The following FGFR2 variants were observed in gnomAD, a reference collection of about 807,000 sequenced individuals.
The protein encoded by FGFR2 is fibroblast growth factor receptor 2, also known as BEK fibroblast growth factor receptor.
A neutral mutation model predicts 95.9 loss-of-function variants in FGFR2; 19 were observed. That is an observed-to-expected ratio of 0.20 (90% CI 0.14 to 0.29). FGFR2 has a LOEUF of 0.29. Ranked by LOEUF, FGFR2 falls within the 10% of genes least tolerant of loss-of-function variation. FGFR2 has a pLI of 1.00. For missense variants in FGFR2, 707 were observed against 1,056.9 expected (o/e 0.67, Z 4.59); for synonymous variants, 392 against 393.3 (o/e 1.00, Z 0.04).
intron 9 of FGFR2, among the ~76,000 whole-genome samples, chr10:121,514,750 A>G (rs1038654700): frequency 6.6e-6 from 1 of 152,208 alleles, no homozygotes; most frequent in Non-Finnish European, 1.5e-5. Flanking sequence ...GCTTATCTTA[A>G]AAAAGGTATT....
At chr10:121,502,077 G>A (rs1589773169) in intron 10 of FGFR2, among the ~76,000 whole-genome samples, 1 of 152,188 alleles carries the variant, frequency 6.6e-6, no homozygotes, top group Admixed American at 6.5e-5. Context: ...GGAGGTAACA[G>A]TTGGGCACAT....
intron 4 of FGFR2, among the ~76,000 whole-genome samples, chr10:121,552,239 T>C (rs1277000059): frequency 6.6e-6 from 1 of 152,176 alleles, no homozygotes; most frequent in Non-Finnish European, 1.5e-5. Context: ...AAAAAAGTTT[T>C]AAATCACAAA....
chr10:121,555,126 C>G (rs527607816), intron 4 of FGFR2, among the ~76,000 whole-genome samples: 1 of 152,104 alleles, frequency 6.6e-6, no homozygotes, highest in Non-Finnish European at 1.5e-5. Context: ...GTAATCCCAG[C>G]CTTTGGGAGG....
intron 6 of FGFR2, among the ~76,000 whole-genome samples, chr10:121,521,951 T>C (rs948151187): frequency 3.3e-5 from 5 of 152,188 alleles, no homozygotes; most frequent in Non-Finnish European, 7.3e-5. Flanking sequence ...CACAACGGAA[T>C]ACTATTCAGC....
At chr10:121,507,465 G>A (rs1008465038) in intron 9 of FGFR2, among the ~76,000 whole-genome samples, 7 of 152,176 alleles carry the variant, frequency 4.6e-5, no homozygotes, top group Non-Finnish European at 1.0e-4. Context: ...GTGAGTGCCT[G>A]TAACCCCAGC....
intron 9 of FGFR2, among the ~76,000 whole-genome samples, chr10:121,509,986 C>A (rs143169545): frequency 1.3e-5 from 2 of 152,112 alleles, no homozygotes; most frequent in African/African-American, 2.4e-5. Flanking sequence ...CACCTTCCCC[C>A]ACAAGAACAC....
At chr10:121,580,246 T>C (rs949020959) in intron 2 of FGFR2, among the ~76,000 whole-genome samples, 3 of 152,148 alleles carry the variant, frequency 2.0e-5, no homozygotes, top group African/African-American at 7.2e-5. Context: ...GGGGTACTGT[T>C]TGGCAAGTTG....
chr10:121,538,756 G>A (rs2134611650), intron 5 of FGFR2, 41 bp from the exon 6 acceptor site: 1 of 1,613,964 alleles, frequency 6.2e-7, no homozygotes, highest in Non-Finnish European at 8.5e-7. Flanking sequence ...AACAATCCTA[G>A]CACAGAATAC....
chr10:121,553,235 C>T (rs1049165667), intron 4 of FGFR2, among the ~76,000 whole-genome samples: 2 of 152,222 alleles, frequency 1.3e-5, no homozygotes, highest in African/African-American at 4.8e-5. Flanking sequence ...GCAAAACTAT[C>T]GAAGCCAGGA....
In FGFR2 at chr10:121,485,719, T is replaced by G. The variant is rs1350498951; in HGVS notation, c.2058-187A>C. Among the ~76,000 whole-genome samples the G allele has an allele frequency of 1.3e-5, 2 of 152,228 alleles. No homozygotes were observed. Among genetic ancestry groups the G allele is most frequent in the Non-Finnish European group, 2.9e-5 (2 of 68,052 alleles). On this transcript the variant is annotated intron_variant, in intron 15 of 17. Transcript: ENST00000358487. This position sits in a 1 kb window ranked among gnomAD's most constrained non-coding sequence, Gnocchi z 4.2. ...TCCCCGAATGATGATGACACGGGGA[T>G]GTGCTGATGGAATTTTCCATCAATA... is the stretch of plus-strand genomic sequence containing the variant.
intron 5 of FGFR2, among the ~76,000 whole-genome samples, chr10:121,545,098 G>A (rs541697844): frequency 1.4e-4 from 22 of 152,254 alleles, no homozygotes; most frequent in African/African-American, 4.8e-4. Flanking sequence ...AGCCATGTTC[G>A]TACCACTGCA....
intron 4 of FGFR2, among the ~76,000 whole-genome samples, chr10:121,563,818 CCCATGTTAGCG>C (rs1199767108): frequency 6.6e-6 from 1 of 152,228 alleles, no homozygotes; most frequent in Non-Finnish European, 1.5e-5. Context: ...AATGGCCTCT[CCCATGTTAGCG>C]CTCAGTGTTC....
chr10:121,571,292 GC>G (rs747972181), intron 2 of FGFR2, among the ~76,000 whole-genome samples: 5,852 of 117,976 alleles, frequency 0.05, 243 homozygotes, highest in Non-Finnish European at 0.055. Context: ...ACCGTGCCTG[GC>G]CTTTTTTTTT....
intron 13 of FGFR2, among the ~76,000 whole-genome samples, chr10:121,495,408 C>T (rs773243282): frequency 6.6e-6 from 1 of 152,122 alleles, no homozygotes; most frequent in Non-Finnish European, 1.5e-5. Flanking sequence ...CATCCTCGTA[C>T]TCCCAGCTAC....
intron 5 of FGFR2, 42 bp downstream of exon 5, chr10:121,551,248 C>CA: frequency 6.2e-7 from 1 of 1,606,894 alleles, no homozygotes; most frequent in Non-Finnish European, 8.5e-7. Flanking sequence ...AATAAATAAA[C>CA]AAAAATGTAA....
intron 17 of FGFR2, among the ~76,000 whole-genome samples, chr10:121,480,891 G>C (rs1844585363): frequency 6.6e-6 from 1 of 151,524 alleles, no homozygotes; most frequent in Non-Finnish European, 1.5e-5. Flanking sequence ...GGCTAAAGAT[G>C]GTCTTTAACA....
At chr10:121,590,397 G>A (rs45631639) in intron 2 of FGFR2, among the ~76,000 whole-genome samples, 1 of 152,244 alleles carries the variant, frequency 6.6e-6, no homozygotes, top group Non-Finnish European at 1.5e-5. Flanking sequence ...TATTTATAAT[G>A]TTAATCAACA....
chr10:121,530,252 G>C (rs116412458), intron 6 of FGFR2: 2 of 152,412 alleles, frequency 1.3e-5, no homozygotes, highest in African/African-American at 4.8e-5. Context: ...TAAGGGAGAG[G>C]GAATCCGTGA....
intron 2 of FGFR2, 137 bp from the exon 3 acceptor site, chr10:121,565,841 C>G: frequency 1.0e-6 from 1 of 963,028 alleles, no homozygotes. Flanking sequence ...CAGCAGGCAT[C>G]CACCTCTCCC....
Sources: allele counts gnomAD v4.1 joint callset (sites outside exome capture counted in the v4.1 genomes callset), GRCh38; gene constraint gnomAD v4.1.1; non-coding constraint Gnocchi (gnomAD v3.1); transcripts MANE v1.5; gene names NCBI Gene and HGNC (gene_info 2026-07-23, HGNC 2026-07-21).